The following CERS3 variants were observed in gnomAD, a reference collection of about 807,000 sequenced individuals.
The protein encoded by CERS3 is LAG1 homolog, ceramide synthase 3.
In CERS3, 33 loss-of-function variants were observed where a neutral mutation model predicts 50.3. The ratio of observed to expected loss-of-function variants is 0.66; its 90% CI spans 0.50 to 0.88. CERS3 has a LOEUF of 0.88. CERS3 is among the 40% of genes least tolerant of loss of function. CERS3 has a pLI of 0.00. For missense variants in CERS3, 470 were observed against 460.3 expected (o/e 1.02, Z -0.19); for synonymous variants, 176 against 155.2 (o/e 1.13, Z -0.99).
intron 11 of CERS3, among the ~76,000 whole-genome samples, chr15:100,426,599 G>A (rs754252058): frequency 2.0e-5 from 3 of 152,172 alleles, no homozygotes; most frequent in Non-Finnish European, 2.9e-5. Context: ...TTAGTACATA[G>A]TAGGCACTCT....
chr15:100,435,219 G>A (rs1465696324), intron 11 of CERS3, among the ~76,000 whole-genome samples: 1 of 152,194 alleles, frequency 6.6e-6, no homozygotes, highest in Non-Finnish European at 1.5e-5. Context: ...AACATACAAA[G>A]CAAGAACTTT....
At chr15:100,531,228 T>C (rs1647638299), upstream of CERS3, among the ~76,000 whole-genome samples, 1 of 152,244 alleles carries the variant, frequency 6.6e-6, no homozygotes, top group African/African-American at 2.4e-5. Context: ...TATTTAGACA[T>C]AGTTCTATAA....
intron 11 of CERS3, among the ~76,000 whole-genome samples, chr15:100,436,942 C>CT (rs755700746): frequency 0.013 from 1,658 of 129,552 alleles, 29 homozygotes; most frequent in South Asian, 0.039. Flanking sequence ...TCTTTCCTGA[C>CT]TTTTTTTTTT....
At chr15:100,446,419 C>G (rs2033948219) in intron 11 of CERS3, among the ~76,000 whole-genome samples, 1 of 148,986 alleles carries the variant, frequency 6.7e-6, no homozygotes, top group Non-Finnish European at 1.5e-5. Context: ...TTTCCCATAC[C>G]TCTGTGAAGA....
chr15:100,490,661 C>G (rs978436985), intron 4 of CERS3, 156 bp downstream of exon 4: 1 of 590,088 alleles, frequency 1.7e-6, no homozygotes, highest in African/African-American at 1.9e-5. Context: ...ATGTTCTAAA[C>G]CTGTCAACAG....
chr15:100,441,996 T>C (rs1430890516), intron 11 of CERS3, among the ~76,000 whole-genome samples: 1 of 152,046 alleles, frequency 6.6e-6, no homozygotes, highest in Non-Finnish European at 1.5e-5. Context: ...CTCCACCATA[T>C]AATACTTATA....
At chr15:100,456,738 G>A (rs1164532870) in intron 10 of CERS3, among the ~76,000 whole-genome samples, 1 of 152,144 alleles carries the variant, frequency 6.6e-6, no homozygotes, top group Non-Finnish European at 1.5e-5. Flanking sequence ...CCTGAGGTCA[G>A]GAGTTTGAGA....
In CERS3 at chr15:100,499,821, C is replaced by T. The variant is rs141714042; in HGVS notation, c.173+1856G>A. Among the ~76,000 whole-genome samples, 1,464 of 152,276 alleles carry T rather than the reference C, an allele frequency of 9.6e-3. 19 individuals are homozygous for T. Among genetic ancestry groups the T allele is most frequent in the Non-Finnish European group, 0.011 (753 of 68,024 alleles). ...CTCTTCTGCCATCAGGAGTCTTTCG[C>T]TGTGAAAGTCTAAGAATTACTGAAA... On this transcript the variant is annotated intron_variant, in intron 3 of 11. Coordinates refer to ENST00000679737, the MANE Select transcript of CERS3 (RefSeq NM_001378789.1).
intron 7 of CERS3, among the ~76,000 whole-genome samples, chr15:100,479,149 A>G (rs1296393597): frequency 6.6e-6 from 1 of 152,156 alleles, no homozygotes; most frequent in Non-Finnish European, 1.5e-5. Flanking sequence ...TAGAAAAGCA[A>G]GAAGGGAGTA....
chr15:100,511,286 C>A (rs1362870490), intron 2 of CERS3, among the ~76,000 whole-genome samples: 1 of 151,934 alleles, frequency 6.6e-6, no homozygotes, highest in Non-Finnish European at 1.5e-5. Context: ...AAGACTCCAT[C>A]TCAAAGAACA....
At chr15:100,542,128 C>T (rs1275765616) in intron 1 of CERS3, among the ~76,000 whole-genome samples, 1 of 151,950 alleles carries the variant, frequency 6.6e-6, no homozygotes, top group Non-Finnish European at 1.5e-5. Context: ...TCAACCTTTG[C>T]TCAAAATTAA....
chr15:100,441,499 C>T (rs1362192509), intron 11 of CERS3, among the ~76,000 whole-genome samples: 1 of 151,984 alleles, frequency 6.6e-6, no homozygotes, highest in East Asian at 1.9e-4. Flanking sequence ...TGTCTCTACC[C>T]TTCTCTTTAA....
At chr15:100,532,555 C>G (rs747255866), upstream of CERS3, among the ~76,000 whole-genome samples, 2 of 151,740 alleles carry the variant, frequency 1.3e-5, no homozygotes, top group Non-Finnish European at 2.9e-5. Flanking sequence ...TGCTTGCGTC[C>G]AAGAGTTCAA....
intron 9 of CERS3, among the ~76,000 whole-genome samples, chr15:100,471,896 G>C (rs1010506764): frequency 5.9e-5 from 9 of 152,152 alleles, no homozygotes; most frequent in African/African-American, 2.2e-4. Flanking sequence ...GTCCCCCCAT[G>C]GGCTAAAGCC....
intron 11 of CERS3, among the ~76,000 whole-genome samples, chr15:100,434,963 C>T (rs1179659335): frequency 6.6e-6 from 1 of 152,202 alleles, no homozygotes; most frequent in Non-Finnish European, 1.5e-5. Flanking sequence ...TTCCCCCTCC[C>T]TCACCCTCCT....
chr15:100,460,734 T>G (rs1025210245), intron 10 of CERS3, among the ~76,000 whole-genome samples: 5 of 152,226 alleles, frequency 3.3e-5, no homozygotes, highest in Non-Finnish European at 7.3e-5. Flanking sequence ...GCTCAGGGCC[T>G]TGCCCCTTAC....
chr15:100,486,967 T>C (rs2142287874), intron 4 of CERS3, among the ~76,000 whole-genome samples: 1 of 152,366 alleles, frequency 6.6e-6, no homozygotes, highest in African/African-American at 2.4e-5. Context: ...TAACTGTTTA[T>C]GAGTCGAAGC....
In CERS3 at chr15:100,492,870, T is replaced by C. The variant is rs545193461; in HGVS notation, c.174-1939A>G. Among the ~76,000 whole-genome samples, 297 of 152,318 alleles carry C rather than the reference T, an allele frequency of 1.9e-3. 3 individuals carry two copies. Among genetic ancestry groups the C allele is most frequent in the Middle Eastern group, 0.014 (4 of 294 alleles). On this transcript the variant is annotated intron_variant, in intron 3 of 11. Coordinates refer to ENST00000679737, the MANE Select transcript of CERS3 (RefSeq NM_001378789.1). Reference sequence around the variant, plus strand: ...GTTTTTTACTATTTTAAAAGTTATTTGCTTAGTGATTCACTTGGGGATTAT... The same window carrying C: ...GTTTTTTACTATTTTAAAAGTTATTCGCTTAGTGATTCACTTGGGGATTAT...
chr15:100,503,153 C>A (rs1435373569), intron 2 of CERS3, among the ~76,000 whole-genome samples: 1 of 152,102 alleles, frequency 6.6e-6, no homozygotes, highest in African/African-American at 2.4e-5. Flanking sequence ...AAAATGTCCT[C>A]AGATTCACAA....
Sources: allele counts gnomAD v4.1 joint callset (sites outside exome capture counted in the v4.1 genomes callset), GRCh38; gene constraint gnomAD v4.1.1; transcripts MANE v1.5; gene names NCBI Gene and HGNC (gene_info 2026-07-23, HGNC 2026-07-21).